CRYBG3: variants seen among roughly 807,000 people sequenced by gnomAD.
The protein encoded by CRYBG3 is very large A-kinase anchor protein.
Under a neutral mutation model 244.2 loss-of-function variants are expected in CRYBG3, and 127 were observed. The observed-to-expected ratio is 0.52, with a 90% CI of 0.45 to 0.60. CRYBG3 has a LOEUF of 0.60. Ranked by LOEUF, CRYBG3 falls within the 20% of genes least tolerant of loss-of-function variation. The pLI, the probability that CRYBG3 is intolerant of heterozygous loss-of-function variation, is 0.00. For missense variants in CRYBG3, 3,325 were observed against 3,442.5 expected, an observed-to-expected ratio of 0.97 and a Z score of 0.85; for synonymous variants, 1,132 against 1,195.8, an observed-to-expected ratio of 0.95 and a Z score of 1.10.
Position 97,881,101 on chromosome 3 carries a change from G to A in CRYBG3, c.7034G>A (p.Arg2345Gln), listed in dbSNP as rs746125280. ...CWILYEKPHFRGQKCVLEEGE... is the reference protein window; with the variant it reads ...CWILYEKPHFQGQKCVLEEGE... ...ATTTTATATGAGAAACCACATTTCC[G>A]AGGTCAGAAATGTGTGCTAGAAGAA... is the stretch of plus-strand genomic sequence containing the variant. Residue 2345 changes from arginine to glutamine, a missense_variant, in exon 7 of 22, where the codon CGA becomes CAA. Arg to Gln is a conservative substitution (Grantham distance 43, BLOSUM62 1). Coordinates refer to ENST00000389622, the MANE Select transcript of CRYBG3 (RefSeq NM_153605.4). 2.4e-5 allele frequency: 38 copies of A among 1,600,154 alleles called. 1 individual carries two copies. The South Asian group carries it at 3.7e-4, about 15-fold the overall frequency.
intron 1 of CRYBG3, chr3:97,840,656 C>T (rs926692934): frequency 1.3e-5 from 2 of 151,944 alleles, no homozygotes; most frequent in Non-Finnish European, 2.9e-5. Context: ...AGAAACTTAC[C>T]GTTTTCATTT....
intron 16 of CRYBG3, among the ~76,000 whole-genome samples, chr3:97,914,020 A>C (rs1210846563): frequency 6.6e-6 from 1 of 152,122 alleles, no homozygotes; most frequent in African/African-American, 2.4e-5. Context: ...ACCCCTGCTT[A>C]ATAATAATTC....
intron 17 of CRYBG3, chr3:97,932,998 T>G: frequency 2.6e-6 from 1 of 379,276 alleles, no homozygotes; most frequent in Non-Finnish European, 5.1e-6. Context: ...CATTACAATA[T>G]CTGTACAGTT....
chr3:97,895,841 G>A, intron 11 of CRYBG3, 118 bp from the exon 12 acceptor site: 2 of 815,982 alleles, frequency 2.5e-6, no homozygotes, highest in South Asian at 2.1e-5. Flanking sequence ...CAAAACTAAT[G>A]TGTTGCTTTT....
intron 1 of CRYBG3, among the ~76,000 whole-genome samples, chr3:97,826,584 A>C (rs1178086831): frequency 6.6e-6 from 1 of 152,226 alleles, no homozygotes; most frequent in African/African-American, 2.4e-5. Context: ...GATAGCAACA[A>C]ACTGTAGGTG....
intron 2 of CRYBG3, among the ~76,000 whole-genome samples, chr3:97,845,350 T>C (rs2038885479): frequency 1.3e-5 from 2 of 152,202 alleles, no homozygotes; most frequent in African/African-American, 4.8e-5. Context: ...GAGATTATAT[T>C]TTATATTAAC....
chr3:97,871,965 A>G lies in CRYBG3; in HGVS notation c.771A>G (p.Glu257=). 1 of 1,535,932 alleles carries G rather than the reference A, an allele frequency of 6.5e-7. No individual in the cohort carries two copies. The highest frequency in any genetic ancestry group is 8.7e-7 in the Non-Finnish European group (1 of 1,146,776). Residue 257 remains glutamate, a synonymous_variant, in exon 4 of 22, where the codon GAA becomes GAG. Coordinates refer to ENST00000389622, the MANE Select transcript of CRYBG3 (RefSeq NM_153605.4). ...GLATVNTLDR[E]NESSDSSTNR... is the part of the protein sequence containing the mutation. ...CAACTGTGAATACCTTGGACAGAGA[A>G]AATGAAAGTTCTGACTCTAGTACAA...
At chr3:97,921,664 A>G (rs537871960) in intron 17 of CRYBG3, among the ~76,000 whole-genome samples, 1 of 152,298 alleles carries the variant, frequency 6.6e-6, no homozygotes, top group African/African-American at 2.4e-5. Context: ...CTAGCTATTG[A>G]TGAAATGCTT....
At chr3:97,834,372 G>A (rs1391737650) in intron 1 of CRYBG3, among the ~76,000 whole-genome samples, 2 of 152,002 alleles carry the variant, frequency 1.3e-5, no homozygotes, top group Non-Finnish European at 2.9e-5. Context: ...ATGGTATTTG[G>A]GTGGTCTCAC....
chr3:97,826,489 A>G (rs1446032974), intron 1 of CRYBG3, among the ~76,000 whole-genome samples: 1 of 152,226 alleles, frequency 6.6e-6, no homozygotes, highest in Non-Finnish European at 1.5e-5. Flanking sequence ...TTCCCTCAAG[A>G]CAAAATATTT....
At chr3:97,834,898 C>A (rs887840828) in intron 1 of CRYBG3, among the ~76,000 whole-genome samples, 3 of 151,938 alleles carry the variant, frequency 2.0e-5, no homozygotes, top group Non-Finnish European at 4.4e-5. Context: ...TTTGCTTTTA[C>A]AAAACAGGTA....
chr3:97,863,840 CA>C (rs1438600956), intron 2 of CRYBG3, among the ~76,000 whole-genome samples: 1 of 152,150 alleles, frequency 6.6e-6, no homozygotes, highest in African/African-American at 2.4e-5. Flanking sequence ...GCTGACACCT[CA>C]CTAAAAACAC....
At position 97,876,736 on chromosome 3, in the gene CRYBG3, A is replaced by G. The variant is rs1438667317; in HGVS notation, c.5542A>G (p.Ile1848Val). ...STPSVIEMEK[I>V]SPEDRGENIG... ...ACCCTCTGTGATAGAAATGGAAAAA[A>G]TATCCCCAGAAGATCGTGGTGAGAA... The change falls in exon 4 of 22, where the codon ATA (isoleucine) becomes GTA (valine). Residue 1848 changes from isoleucine (I) to valine (V), a missense_variant. This residue lies in a region of CRYBG3 where 635 missense variants were observed against 771.7 expected (regional missense o/e 0.82). Transcript: ENST00000389622. 6 of 1,255,020 alleles carry G rather than the reference A, an allele frequency of 4.8e-6. No homozygotes were observed. The highest frequency in any genetic ancestry group is 6.0e-6 in the Non-Finnish European group (6 of 1,002,406). 77.7% of individuals were successfully genotyped at this position (1,255,020 alleles called of 1,614,324 possible). A position where few individuals can be genotyped will look rare whatever the true frequency, so the allele number is the denominator to read the frequency against.
intron 1 of CRYBG3, among the ~76,000 whole-genome samples, chr3:97,836,104 G>C (rs2038729384): frequency 6.6e-6 from 1 of 152,052 alleles, no homozygotes; most frequent in Non-Finnish European, 1.5e-5. Context: ...CAGGAAATAA[G>C]TCAGCCTCAA....
At chr3:97,899,299 T>C (rs772541855) in intron 14 of CRYBG3, 36 bp downstream of exon 14, 2 of 1,581,084 alleles carry the variant, frequency 1.3e-6, no homozygotes, top group South Asian at 1.2e-5. Flanking sequence ...TGCTGCATCA[T>C]GTAATAGTAT....
chr3:97,882,017 T>C (rs2039454878), intron 7 of CRYBG3, among the ~76,000 whole-genome samples: 1 of 151,940 alleles, frequency 6.6e-6, no homozygotes, highest in African/African-American at 2.4e-5. Flanking sequence ...AAGACCAGAC[T>C]GGCCAACATG....
intron 2 of CRYBG3, among the ~76,000 whole-genome samples, chr3:97,861,978 G>A (rs1029834428): frequency 3.3e-5 from 5 of 151,894 alleles, no homozygotes; most frequent in East Asian, 1.9e-4. Context: ...AAGATTATGA[G>A]GGAAAAATTA....
At position 97,891,520 on chromosome 3, in the gene CRYBG3, G is replaced by A. The variant is rs186946001; in HGVS notation, c.7441-1340G>A. 1.6e-3 allele frequency among the ~76,000 whole-genome samples: 241 copies of A among 152,172 alleles called. 1 individual carries two copies. The highest frequency in any genetic ancestry group is 5.5e-3 in the African/African-American group (228 of 41,512). On this transcript the variant is annotated intron_variant, in intron 10 of 21. Coordinates refer to ENST00000389622, the MANE Select transcript of CRYBG3 (RefSeq NM_153605.4). ...TTAAAATATAAAAATAACTATAGAC[G>A]TTATTTTTCATCATAAGCTTCGTCA... is the stretch of plus-strand genomic sequence containing the variant.
At chr3:97,896,165 C>A in intron 12 of CRYBG3, 80 bp downstream of exon 12, 1 of 1,303,926 alleles carries the variant, frequency 7.7e-7, no homozygotes, top group Non-Finnish European at 1.1e-6. Flanking sequence ...CCTGATAGAA[C>A]ATGAGATTAT....
Sources: allele counts gnomAD v4.1 joint callset (sites outside exome capture counted in the v4.1 genomes callset), GRCh38; gene constraint gnomAD v4.1.1; regional missense constraint gnomAD v4.1.1; transcripts MANE v1.5; gene names NCBI Gene and HGNC (gene_info 2026-07-23, HGNC 2026-07-21).